The following CDC42SE2 variants were observed in gnomAD, a reference collection of about 807,000 sequenced individuals.
CDC42SE2 encodes CDC42 small effector 2.
In CDC42SE2, 3 loss-of-function variants were observed where a neutral mutation model predicts 11.5. The ratio of observed to expected loss-of-function variants is 0.26; its 90% confidence interval spans 0.12 to 0.67. The LOEUF (loss-of-function observed/expected upper bound fraction) is 0.67, where lower values mean the gene tolerates loss of function less well. Among genes scored for constraint, CDC42SE2 ranks in the 30% least tolerant of loss-of-function variants. The pLI is 0.80. For missense variants in CDC42SE2, 82 were observed against 106.8 expected, an observed-to-expected ratio of 0.77 and a Z score of 1.02; for synonymous variants, 33 against 34.8, an observed-to-expected ratio of 0.95 and a Z score of 0.18.
chr5:131,328,396 G>A (rs114015458), intron 2 of CDC42SE2, among the ~76,000 whole-genome samples: 172 of 151,994 alleles, frequency 1.1e-3, no homozygotes, highest in African/African-American at 4.1e-3. Context: ...TTATTTGGCT[G>A]TTTGAGGCTT....
the CDC42SE2 span, among the ~76,000 whole-genome samples, chr5:131,218,742 CTTGTTG>C: frequency 6.6e-6 from 1 of 151,982 alleles, no homozygotes; most frequent in Non-Finnish European, 1.5e-5. Context: ...AGCGGTTATC[CTTGTTG>C]TTGGGGAGGA....
chr5:131,213,072 C>G, the CDC42SE2 span, among the ~76,000 whole-genome samples: 1 of 152,238 alleles, frequency 6.6e-6, no homozygotes, highest in Admixed American at 6.5e-5. Context: ...TGCCTGTAAT[C>G]CCAGCTACTA....
At chr5:131,344,460 C>A (rs1758791257) in intron 2 of CDC42SE2, among the ~76,000 whole-genome samples, 1 of 152,332 alleles carries the variant, frequency 6.6e-6, no homozygotes, top group African/African-American at 2.4e-5. Flanking sequence ...GGAGTGGCAT[C>A]CACCATTGTT....
chr5:131,280,348 T>G (rs1326791217), intron 1 of CDC42SE2, among the ~76,000 whole-genome samples: 4 of 152,210 alleles, frequency 2.6e-5, no homozygotes, highest in African/African-American at 7.2e-5. Flanking sequence ...TGAACATCCT[T>G]CCAGATACCT....
At chr5:131,358,453 T>C (rs949136009) in intron 2 of CDC42SE2, among the ~76,000 whole-genome samples, 6 of 152,110 alleles carry the variant, frequency 3.9e-5, no homozygotes, top group Admixed American at 2.6e-4. Context: ...TAGGATATTA[T>C]TGACTAAGGA....
intron 2 of CDC42SE2, among the ~76,000 whole-genome samples, chr5:131,355,557 G>T (rs1749512129): frequency 6.6e-6 from 1 of 152,166 alleles, no homozygotes; most frequent in Non-Finnish European, 1.5e-5. Context: ...GATAGAGCTT[G>T]TCACTTGCCT....
At chr5:131,232,417 T>C in the CDC42SE2 span, among the ~76,000 whole-genome samples, 1 of 152,086 alleles carries the variant, frequency 6.6e-6, no homozygotes, top group Admixed American at 6.5e-5. Context: ...ACCCTGCCTA[T>C]ACCTATTCTT....
chr5:131,236,628 T>C, the CDC42SE2 span, among the ~76,000 whole-genome samples: 1 of 152,174 alleles, frequency 6.6e-6, no homozygotes, highest in South Asian at 2.1e-4. Context: ...GGTTTCACCA[T>C]GTTGCCCAGG....
intron 3 of CDC42SE2, among the ~76,000 whole-genome samples, chr5:131,363,727 G>A (rs989760988): frequency 1.7e-4 from 18 of 108,810 alleles, no homozygotes; most frequent in Admixed American, 2.3e-4. Flanking sequence ...AAGGAGTCTC[G>A]CTGTGTCTCC....
intron 2 of CDC42SE2, among the ~76,000 whole-genome samples, chr5:131,319,294 T>TGGAATG (rs1758112148): frequency 6.6e-6 from 1 of 152,186 alleles, no homozygotes; most frequent in East Asian, 1.9e-4. Flanking sequence ...AGTTCTTGTA[T>TGGAATG]GGAATGGAAT....
intron 2 of CDC42SE2, among the ~76,000 whole-genome samples, chr5:131,333,060 G>A (rs1020552622): frequency 2.0e-5 from 3 of 152,136 alleles, no homozygotes; most frequent in African/African-American, 7.2e-5. Flanking sequence ...ATACCTGAAT[G>A]GTATTGCCTA....
At chr5:131,379,305 A>T (rs1580788060) in intron 3 of CDC42SE2, among the ~76,000 whole-genome samples, 1 of 152,340 alleles carries the variant, frequency 6.6e-6, no homozygotes, top group East Asian at 1.9e-4. Flanking sequence ...GCCTTCTGCT[A>T]ACCTGATGGG....
At chr5:131,284,038 G>C (rs1757292907) in intron 1 of CDC42SE2, among the ~76,000 whole-genome samples, 1 of 152,136 alleles carries the variant, frequency 6.6e-6, no homozygotes, top group South Asian at 2.1e-4. Context: ...TTGCAGAACT[G>C]CTAGTCTGTT....
At chr5:131,265,953 A>T (rs1265745310) in intron 1 of CDC42SE2, among the ~76,000 whole-genome samples, 1 of 152,242 alleles carries the variant, frequency 6.6e-6, no homozygotes, top group Non-Finnish European at 1.5e-5. Context: ...TAAACAGTAG[A>T]TTCCTTTTCT....
At chr5:131,382,936 G>A (rs1361540495) in intron 3 of CDC42SE2, among the ~76,000 whole-genome samples, 2 of 152,212 alleles carry the variant, frequency 1.3e-5, no homozygotes, top group Non-Finnish European at 2.9e-5. Flanking sequence ...AAGAGAAAAA[G>A]GCACAAAACT....
At chr5:131,215,352 A>C in the CDC42SE2 span, among the ~76,000 whole-genome samples, 1 of 152,240 alleles carries the variant, frequency 6.6e-6, no homozygotes, top group East Asian at 1.9e-4. Context: ...GTTAAAAAGA[A>C]AAGAGAGAGA....
chr5:131,391,114 T>G lies in CDC42SE2; in HGVS notation c.*23T>G. 6.4e-7 allele frequency: 1 copy of G among 1,573,250 alleles called. No individual in the cohort carries two copies. Among genetic ancestry groups the G allele is most frequent in the Non-Finnish European group, 8.7e-7 (1 of 1,144,374 alleles). ...TAGCCCTGGTCCTTTCTCCAGTGAG[T>G]ACTCAGAGCTGGGGTCTGGACCTGA... is the stretch of plus-strand genomic sequence containing the variant. On this transcript the variant is annotated 3_prime_UTR_variant, in exon 5 of 5. Transcript: ENST00000505065.
upstream of CDC42SE2, among the ~76,000 whole-genome samples, chr5:131,260,483 C>T (rs577972804): frequency 2.6e-4 from 40 of 150,958 alleles, no homozygotes; most frequent in South Asian, 2.1e-4. Context: ...ATTAGCCAGG[C>T]GTGGTGGTGG....
intron 2 of CDC42SE2, among the ~76,000 whole-genome samples, chr5:131,337,052 T>C (rs1758583464): frequency 6.6e-6 from 1 of 152,214 alleles, no homozygotes; most frequent in Non-Finnish European, 1.5e-5. Context: ...GTCTGATTTT[T>C]AGCGTTTCCG....
Sources: gnomAD v4.1 joint callset for allele counts (sites outside exome capture counted in the v4.1 genomes callset) on GRCh38, gnomAD v4.1.1 for gene constraint, MANE v1.5 for transcripts, NCBI Gene and HGNC (gene_info 2026-07-23, HGNC 2026-07-21) for gene names.